The following SPPL3 variants were observed in gnomAD, a reference collection of about 807,000 sequenced individuals.
SPPL3 encodes the protein signal peptide peptidase-like 3.
SPPL3 carries 5 observed loss-of-function variants against 42.4 expected under a neutral mutation model. The observed-to-expected ratio is 0.12, with a 90% CI of 0.06 to 0.25. The LOEUF is 0.25. Ranked by LOEUF, SPPL3 falls within the 10% of genes least tolerant of loss-of-function variation. The probability of loss-of-function intolerance (pLI) is 1.00; values close to 1 mark genes in which losing one functional copy is unlikely to be tolerated. For missense variants in SPPL3, 235 were observed against 489.0 expected, an observed-to-expected ratio of 0.48 and a Z score of 4.90; for synonymous variants, 195 against 181.8, an observed-to-expected ratio of 1.07 and a Z score of -0.58.
At chr12:120,849,439 G>T (rs1229391673) in intron 1 of SPPL3, among the ~76,000 whole-genome samples, 1 of 152,140 alleles carries the variant, frequency 6.6e-6, no homozygotes, top group Non-Finnish European at 1.5e-5. Context: ...CACCACAGAG[G>T]CAAGTGAAAC....
At chr12:120,889,245 A>G (rs542928341) in intron 1 of SPPL3, among the ~76,000 whole-genome samples, 8 of 152,378 alleles carry the variant, frequency 5.3e-5, no homozygotes, top group Non-Finnish European at 8.8e-5. Context: ...TGAAAAAGCG[A>G]TAAGTAGCCC....
intron 1 of SPPL3, among the ~76,000 whole-genome samples, chr12:120,812,407 C>T (rs1870714213): frequency 6.6e-6 from 1 of 152,190 alleles, no homozygotes; most frequent in African/African-American, 2.4e-5. Context: ...GTTGGGATTA[C>T]AGGCGTGAGC....
chr12:120,768,271 G>A, intron 8 of SPPL3, 54 bp downstream of exon 8: 4 of 1,561,336 alleles, frequency 2.6e-6, no homozygotes, highest in Non-Finnish European at 3.5e-6. Context: ...ATCAAGGCCG[G>A]GAACAGATAG....
At chr12:120,845,271 C>T in intron 1 of SPPL3, 1 of 371,272 alleles carries the variant, frequency 2.7e-6, no homozygotes, top group Non-Finnish European at 5.5e-6. Context: ...TGGAGAGGTC[C>T]TGCTTGTTGG....
chr12:120,828,962 T>A (rs1410314915), intron 1 of SPPL3, among the ~76,000 whole-genome samples: 8 of 151,888 alleles, frequency 5.3e-5, no homozygotes, highest in Non-Finnish European at 1.2e-4. Flanking sequence ...GGGGTCTCTC[T>A]ATGTTGCCCA....
chr12:120,854,893 T>C lies in SPPL3; in HGVS notation c.24-44007A>G, dbSNP rs141952835. Among the ~76,000 whole-genome samples the C allele has an allele frequency of 7.6e-3, 1,159 of 152,248 alleles. 17 individuals carry two copies. Among genetic ancestry groups the C allele is most frequent in the African/African-American group, 0.026 (1,091 of 41,540 alleles). On this transcript the variant is annotated intron_variant, in intron 1 of 10. Coordinates refer to ENST00000353487, the MANE Select transcript of SPPL3 (RefSeq NM_139015.5). ...CTGAGGAAAAACAGTGCAATGAAAA[T>C]ATTCTTATATTTATGACATTCAAGA...
At chr12:120,862,236 G>T (rs1361191845) in intron 1 of SPPL3, among the ~76,000 whole-genome samples, 1 of 152,090 alleles carries the variant, frequency 6.6e-6, no homozygotes, top group Non-Finnish European at 1.5e-5. Flanking sequence ...ATATTTCTAT[G>T]ATCTGTTTCT....
chr12:120,869,454 G>A (rs1425531324), intron 1 of SPPL3, among the ~76,000 whole-genome samples: 2 of 152,122 alleles, frequency 1.3e-5, no homozygotes, highest in African/African-American at 2.4e-5. Flanking sequence ...ATAGTTATTC[G>A]CTGTAGCACT....
At chr12:120,810,678 C>CTCTA in intron 2 of SPPL3, 131 bp downstream of exon 2, 1 of 710,550 alleles carries the variant, frequency 1.4e-6, no homozygotes, top group Non-Finnish European at 2.5e-6. Flanking sequence ...TAGCAGAACT[C>CTCTA]TCTATTCTGA....
intron 1 of SPPL3, among the ~76,000 whole-genome samples, chr12:120,845,898 CTATCTATCT>C (rs1872019210): frequency 6.8e-6 from 1 of 147,454 alleles, no homozygotes; most frequent in Non-Finnish European, 1.5e-5. Context: ...ATCTATCTAT[CTATCTATCT>C]ATTTTTTTGA....
At chr12:120,893,019 T>C (rs909436274) in intron 1 of SPPL3, among the ~76,000 whole-genome samples, 14 of 148,036 alleles carry the variant, frequency 9.5e-5, no homozygotes, top group African/African-American at 3.2e-4. Flanking sequence ...CAAAATTTAG[T>C]GGACAATATA....
In SPPL3 at chr12:120,821,202, C is replaced by T. The variant is rs576154323; in HGVS notation, c.24-10316G>A. 5.3e-5 allele frequency among the ~76,000 whole-genome samples: 8 copies of T among 152,144 alleles called. No individual in the cohort carries two copies. In the East Asian group the frequency reaches 5.8e-4, roughly 11 times the overall value. On this transcript the variant is annotated intron_variant, in intron 1 of 10. Transcript: ENST00000353487. Reference sequence around the variant, plus strand: ...ATAAGAAAGGATTTATTGCCGGGGGCGGGGAGAGGGATTGAAACAGAAAGA... The same window carrying T: ...ATAAGAAAGGATTTATTGCCGGGGGTGGGGAGAGGGATTGAAACAGAAAGA...
At chr12:120,844,355 T>C (rs1267363319) in intron 1 of SPPL3, among the ~76,000 whole-genome samples, 3 of 152,184 alleles carry the variant, frequency 2.0e-5, no homozygotes, top group African/African-American at 7.2e-5. Context: ...GTCTCCTAAC[T>C]AGTCTTACTC....
intron 2 of SPPL3, among the ~76,000 whole-genome samples, chr12:120,794,433 T>G (rs1262541111): frequency 6.6e-6 from 1 of 152,166 alleles, no homozygotes; most frequent in African/African-American, 2.4e-5. Context: ...AGTCTCAATC[T>G]GTCACCCAGG....
At chr12:120,798,379 A>T (rs1348073625) in intron 2 of SPPL3, among the ~76,000 whole-genome samples, 1 of 152,242 alleles carries the variant, frequency 6.6e-6, no homozygotes, top group Non-Finnish European at 1.5e-5. Context: ...AGCTATGGCA[A>T]CTGGCTCCTG....
chr12:120,791,087 TG>T (rs1256894313), intron 3 of SPPL3, among the ~76,000 whole-genome samples: 2 of 152,228 alleles, frequency 1.3e-5, no homozygotes, highest in Non-Finnish European at 2.9e-5. Context: ...CCCAAAGTGC[TG>T]GAATTACAGG....
chr12:120,765,143 A>C, intron 10 of SPPL3, 73 bp from the exon 11 acceptor site: 1 of 1,498,314 alleles, frequency 6.7e-7, no homozygotes, highest in East Asian at 2.4e-5. Flanking sequence ...TCTTTAAAAA[A>C]AAAAAATTTT....
Position 120,903,960 on chromosome 12 carries a change from CG to C in SPPL3, c.-94del. The C allele has an allele frequency of 8.9e-7, 1 of 1,123,046 alleles. No individual in the cohort carries two copies. The highest frequency in any genetic ancestry group is 1.1e-6 in the Non-Finnish European group (1 of 874,606). The allele number at this position is 1,123,046 out of a possible 1,614,324, so 69.6% of individuals were successfully genotyped here. A position where few individuals can be genotyped will look rare whatever the true frequency, so the allele number is the denominator to read the frequency against. ...CGTAGCTGAAGGCGCGGCCGGGGTC[CG>C]GTGCTTGCTTGCTTGCTCGCTCGCT... On this transcript the variant is annotated 5_prime_UTR_variant, in exon 1 of 11. Coordinates refer to ENST00000353487, the MANE Select transcript of SPPL3 (RefSeq NM_139015.5).
chr12:120,862,173 AAAAT>A (rs770402421), intron 1 of SPPL3, among the ~76,000 whole-genome samples: 2 of 152,186 alleles, frequency 1.3e-5, no homozygotes, highest in South Asian at 2.1e-4. Flanking sequence ...GTGAATATGA[AAAAT>A]ATTTATTCAT....
Sources: gnomAD v4.1 joint callset for allele counts (sites outside exome capture counted in the v4.1 genomes callset) on GRCh38, gnomAD v4.1.1 for gene constraint, MANE v1.5 for transcripts, NCBI Gene and HGNC (gene_info 2026-07-23, HGNC 2026-07-21) for gene names.